MYOF: variants seen among roughly 807,000 people sequenced by gnomAD.
The protein encoded by MYOF is fer-1-like 3, myoferlin.
A neutral mutation model predicts 284.2 loss-of-function variants in MYOF; 244 were observed. That is an observed-to-expected ratio of 0.86 (90% CI 0.77 to 0.95). The LOEUF (loss-of-function observed/expected upper bound fraction) is 0.95, where lower values mean the gene tolerates loss of function less well. Among genes scored for constraint, MYOF ranks in the 40% least tolerant of loss-of-function variants. MYOF has a pLI of 0.00. For missense variants in MYOF, 2,496 were observed against 2,560.6 expected, an observed-to-expected ratio of 0.97 and a Z score of 0.54; for synonymous variants, 904 against 919.7, an observed-to-expected ratio of 0.98 and a Z score of 0.31.
intron 1 of MYOF, among the ~76,000 whole-genome samples, chr10:93,463,443 A>G (rs1333493106): frequency 1.7e-5 from 2 of 120,364 alleles, no homozygotes; most frequent in African/African-American, 6.5e-5. Flanking sequence ...TCTGTCGCCC[A>G]GGATCTAGTG....
rs774236529 is a variant in MYOF at position 93,397,288 on chromosome 10, A to G, written c.1293T>C (p.Phe431=). 4.8e-5 allele frequency: 77 copies of G among 1,602,548 alleles called. No homozygotes were observed. The highest frequency in any genetic ancestry group is 6.5e-5 in the Non-Finnish European group (76 of 1,172,408). The change falls in exon 15 of 54, where the codon TTT becomes TTC. Residue 431 remains phenylalanine, a splice_region_variant and synonymous_variant. Coordinates refer to ENST00000359263, the MANE Select transcript of MYOF (RefSeq NM_013451.4). The part of the protein sequence containing the change: ...WNQVVNLQIK[F]PSVCEKIKLT... Reference sequence around the variant, plus strand: ...GTTTTATTTTTTCACACACTGAAGGAAACTAAAAAAATGAGACAGAAAAAA... The same window carrying G: ...GTTTTATTTTTTCACACACTGAAGGGAACTAAAAAAATGAGACAGAAAAAA...
Position 93,343,877 on chromosome 10 carries a change from G to A in MYOF, c.4305C>T (p.Thr1435=). The change falls in exon 38 of 54, where the codon ACC becomes ACT. Residue 1435 remains threonine (T), a synonymous_variant. Transcript: ENST00000359263. ...CTACCTTAGAAGCCAGTAATGGTTT[G>A]GTGTCTTCCATTTCGATAACGATGT... ...CRDIVIEMED[T]KPLLASKLTE... is the part of the protein sequence containing the mutation. The A allele has an allele frequency of 6.2e-7, 1 of 1,614,166 alleles. No individual in the cohort carries two copies. The highest frequency in any genetic ancestry group is 8.5e-7 in the Non-Finnish European group (1 of 1,180,008).
chr10:93,373,887 T>C (rs1473725292), intron 23 of MYOF, among the ~76,000 whole-genome samples: 1 of 152,148 alleles, frequency 6.6e-6, no homozygotes, highest in Non-Finnish European at 1.5e-5. Context: ...ATACTTTAAG[T>C]TCTAGGGTAC....
intron 22 of MYOF, 130 bp from the exon 23 acceptor site, chr10:93,375,085 A>C: frequency 1.1e-6 from 1 of 897,128 alleles, no homozygotes; most frequent in Non-Finnish European, 1.7e-6. Context: ...CTGAATCTAC[A>C]AGCACTGCCT....
At chr10:93,337,700 G>C (rs1476739706) in intron 40 of MYOF, 115 bp downstream of exon 40, 1 of 772,874 alleles carries the variant, frequency 1.3e-6, no homozygotes, top group African/African-American at 1.8e-5. Flanking sequence ...AGGTTTTCCT[G>C]GGCCCTGCTC....
intron 3 of MYOF, among the ~76,000 whole-genome samples, chr10:93,445,748 G>A (rs575415383): frequency 3.3e-5 from 5 of 152,322 alleles, no homozygotes; most frequent in East Asian, 1.9e-4. Context: ...CTAATAGGCC[G>A]GGGAGCAGCA....
intron 3 of MYOF, among the ~76,000 whole-genome samples, chr10:93,436,967 CA>C (rs1849152671): frequency 6.6e-6 from 1 of 152,222 alleles, no homozygotes; most frequent in Non-Finnish European, 1.5e-5. Flanking sequence ...ACTACTGTCT[CA>C]AAAGGAAATT....
intron 17 of MYOF, among the ~76,000 whole-genome samples, chr10:93,391,529 A>C (rs1846675035): frequency 6.6e-6 from 1 of 152,132 alleles, no homozygotes; most frequent in Non-Finnish European, 1.5e-5. Context: ...CAAGAGGTGT[A>C]GGTTGCAGCG....
At chr10:93,425,417 T>C (rs755523582) in intron 5 of MYOF, among the ~76,000 whole-genome samples, 1 of 152,050 alleles carries the variant, frequency 6.6e-6, no homozygotes, top group African/African-American at 2.4e-5. Flanking sequence ...CTCAGCTGCA[T>C]GAGAGGACTG....
At position 93,347,796 on chromosome 10, in the gene MYOF, A is replaced by G. The variant is rs1844300175; in HGVS notation, c.4084-14T>C. The G allele has an allele frequency of 6.2e-7, 1 of 1,605,474 alleles. No homozygotes were observed. Among genetic ancestry groups the G allele is most frequent in the Admixed American group, 1.7e-5 (1 of 59,426 alleles). ...CTTGGGCAAGAACTGGGGGTCACAA[A>G]GGTAGGTTTCATTTCTCAAGACCAG... is the stretch of plus-strand genomic sequence containing the variant. On this transcript the variant is annotated splice_polypyrimidine_tract_variant and intron_variant, in intron 36 of 53. Transcript: ENST00000359263.
At chr10:93,365,874 C>T (rs944935124) in intron 26 of MYOF, among the ~76,000 whole-genome samples, 1 of 152,180 alleles carries the variant, frequency 6.6e-6, no homozygotes, top group Non-Finnish European at 1.5e-5. Flanking sequence ...TCATATAACT[C>T]AATCCACTGT....
At chr10:93,401,038 T>TA (rs1279961303) in intron 12 of MYOF, among the ~76,000 whole-genome samples, 6 of 151,946 alleles carry the variant, frequency 3.9e-5, no homozygotes, top group Non-Finnish European at 7.4e-5. Flanking sequence ...ATTTTTTTTT[T>TA]ATAGCTGGAT....
rs141353253 is a variant in MYOF, at chr10:93,406,846, GA to G, written c.729+1940del. Among the ~76,000 whole-genome samples the G allele has an allele frequency of 2.0e-4, 29 of 148,258 alleles. 1 individual carries two copies. The highest frequency in any genetic ancestry group is 4.5e-4 in the African/African-American group (18 of 40,422). ...ATTTCTTTTCTGAATAAAGAAGTAG[GA>G]AAAAAAAAAGGACAAACGCCAGAGC... On this transcript the variant is annotated intron_variant, in intron 7 of 53. Coordinates refer to ENST00000359263, the MANE Select transcript of MYOF (RefSeq NM_013451.4).
intron 1 of MYOF, among the ~76,000 whole-genome samples, chr10:93,461,097 AAAAG>A (rs2056869974): frequency 2.2e-4 from 1 of 4,600 alleles, no homozygotes; most frequent in Admixed American, 5.0e-3. Context: ...TCCATCTAAG[AAAAG>A]AAAAGAAAAG....
At position 93,351,202 on chromosome 10, in the gene MYOF, T is replaced by C. The variant is rs1844488177; in HGVS notation, c.3916A>G (p.Ile1306Val). Reference protein sequence around the residue: ...GIRPVVQLTAIEILAWGLRNM... With the variant: ...GIRPVVQLTAVEILAWGLRNM... ...ACACGTGGGGAGCAGCATACCTCAA[T>C]GGCAGTGAGCTGGACCACAGGCCTG... is the stretch of plus-strand genomic sequence containing the variant. Residue 1306 changes from isoleucine (I) to valine (V), a missense_variant, in exon 35 of 54, where the codon ATT becomes GTT. Physicochemically the swap from Ile to Val is conservative, Grantham distance 29. Transcript: ENST00000359263. 5.6e-6 allele frequency: 9 copies of C among 1,614,140 alleles called. No individual in the cohort carries two copies. The highest frequency in any genetic ancestry group is 7.6e-6 in the Non-Finnish European group (9 of 1,179,988).
intron 23 of MYOF, among the ~76,000 whole-genome samples, 165 bp downstream of exon 23, chr10:93,374,598 A>G (rs1458936798): frequency 6.6e-6 from 1 of 152,238 alleles, no homozygotes; most frequent in African/African-American, 2.4e-5. Flanking sequence ...CACATTCATC[A>G]TTAGCATCCT....
At position 93,353,072 on chromosome 10, in the gene MYOF, G is replaced by A. The variant is rs1202580711; in HGVS notation, c.3481+739C>T. ...CTCGCTGCCAGCACTCATTTCTCGG[G>A]GCAAATGGGAAATGGGTTAAGAGGT... On this transcript the variant is annotated intron_variant, in intron 32 of 53. Transcript: ENST00000359263. 3.9e-5 allele frequency among the ~76,000 whole-genome samples: 6 copies of A among 152,240 alleles called. No individual in the cohort carries two copies. The East Asian group carries it at 1.2e-3, about 29-fold the overall frequency.
chr10:93,444,649 A>T (rs1234878794), intron 3 of MYOF, among the ~76,000 whole-genome samples: 2 of 152,258 alleles, frequency 1.3e-5, no homozygotes, highest in African/African-American at 4.8e-5. Flanking sequence ...AAGATTTTAC[A>T]TCTATTGCAG....
chr10:93,421,650 C>G (rs2134172873), intron 5 of MYOF, among the ~76,000 whole-genome samples: 1 of 152,186 alleles, frequency 6.6e-6, no homozygotes, highest in South Asian at 2.1e-4. Flanking sequence ...GAGAGTGGCA[C>G]CCTTGCCTTC....
Sources: gnomAD v4.1 joint callset for allele counts (sites outside exome capture counted in the v4.1 genomes callset) on GRCh38, gnomAD v4.1.1 for gene constraint, MANE v1.5 for transcripts, NCBI Gene and HGNC (gene_info 2026-07-23, HGNC 2026-07-21) for gene names.